RBFOX3: variants seen among roughly 807,000 people sequenced by gnomAD.
RBFOX3 encodes RNA binding fox-1 homolog 3.
In RBFOX3, 17 loss-of-function variants were observed where a neutral mutation model predicts 48.7. The ratio of observed to expected loss-of-function variants is 0.35; its 90% CI spans 0.24 to 0.52. The LOEUF is 0.52. Ranked by LOEUF, RBFOX3 falls within the 20% of genes least tolerant of loss-of-function variation. RBFOX3 has a pLI of 0.94. For synonymous variants in RBFOX3, 212 were observed against 209.5 expected, an observed-to-expected ratio of 1.01 and a Z score of -0.10; for missense variants, 382 against 497.5, an observed-to-expected ratio of 0.77 and a Z score of 2.21.
intron 2 of RBFOX3, among the ~76,000 whole-genome samples, chr17:79,386,167 A>G (rs1314017089): frequency 1.4e-5 from 2 of 147,854 alleles, no homozygotes; most frequent in Non-Finnish European, 3.0e-5. Flanking sequence ...CATGAGCTCC[A>G]TCACCTCCTG....
intron 3 of RBFOX3, among the ~76,000 whole-genome samples, chr17:79,247,694 G>A (rs1420234130): frequency 7.4e-6 from 1 of 134,768 alleles, no homozygotes; most frequent in Non-Finnish European, 1.6e-5. Context: ...TGCATCTGGG[G>A]AAAAATCACA....
At chr17:79,514,137 A>G (rs1054830542) in intron 1 of RBFOX3, among the ~76,000 whole-genome samples, 56 of 152,070 alleles carry the variant, frequency 3.7e-4, no homozygotes, top group African/African-American at 1.3e-3. Context: ...GCCTCCTACC[A>G]TCTCCACCCT....
intron 2 of RBFOX3, among the ~76,000 whole-genome samples, chr17:79,389,686 A>T (rs751806219): frequency 6.6e-6 from 1 of 152,198 alleles, no homozygotes; most frequent in Non-Finnish European, 1.5e-5. Context: ...GGTGGGACAG[A>T]CGACATGCCT....
At chr17:79,190,964 G>A (rs996569226) in intron 4 of RBFOX3, among the ~76,000 whole-genome samples, 2 of 152,158 alleles carry the variant, frequency 1.3e-5, no homozygotes, top group African/African-American at 2.4e-5. Flanking sequence ...CCATTGCTAC[G>A]GCCGGCATGA....
chr17:79,362,122 G>A lies in RBFOX3; in HGVS notation c.-174-54298C>T, dbSNP rs911696722. ...TCCCTTCGAGAGAATCCACTCCACT[G>A]CCAGCTCACACACAGCCCTCCACGG... On this transcript the variant is annotated intron_variant, in intron 2 of 14. Coordinates refer to ENST00000693108, the MANE Select transcript of RBFOX3 (RefSeq NM_001350451.2). The surrounding 1 kb of genome is among the most constrained non-coding windows in gnomAD (Gnocchi z 4.2). 6.6e-6 allele frequency among the ~76,000 whole-genome samples: 1 copy of A among 152,112 alleles called. No homozygotes were observed. Among genetic ancestry groups the A allele is most frequent in the African/African-American group, 2.4e-5 (1 of 41,432 alleles).
In RBFOX3 at chr17:79,198,628, CTCTTT is replaced by C. The variant is rs1012916009; in HGVS notation, c.-34+37133_-34+37137del. On this transcript the variant is annotated intron_variant, in intron 4 of 14. Coordinates refer to ENST00000693108, the MANE Select transcript of RBFOX3 (RefSeq NM_001350451.2). The surrounding 1 kb of genome is among the most constrained non-coding windows in gnomAD (Gnocchi z 8.2). Reference sequence around the variant, plus strand: ...CTCCCTGCTTTTGAACTTTCTCTCTCTCTTTTTTTTTTTTTAAGATGGAGTCTTGC... The same window carrying C: ...CTCCCTGCTTTTGAACTTTCTCTCTCTTTTTTTTTTAAGATGGAGTCTTGC... Among the ~76,000 whole-genome samples, 2 of 32,278 alleles carry C rather than the reference CTCTTT, an allele frequency of 6.2e-5. 1 individual carries two copies. The highest frequency in any genetic ancestry group is 1.8e-4 in the African/African-American group (2 of 11,298). The allele number at this position is 32,278 out of a possible 152,430, so 21.2% of individuals were successfully genotyped here. A position where few individuals can be genotyped will look rare whatever the true frequency, so the allele number is the denominator to read the frequency against.
rs957315891 is a variant in RBFOX3, at chr17:79,390,490, T to G, written c.-174-82666A>C. Among the ~76,000 whole-genome samples the G allele has an allele frequency of 2.6e-5, 4 of 151,994 alleles. No individual in the cohort carries two copies. The highest frequency in any genetic ancestry group is 5.9e-5 in the Non-Finnish European group (4 of 67,940). On this transcript the variant is annotated intron_variant, in intron 2 of 14. Transcript: ENST00000693108. This position sits in a 1 kb window ranked among gnomAD's most constrained non-coding sequence, Gnocchi z 4.2. Reference sequence around the variant, plus strand: ...CTTTGCGCCACTGCTTTTTTTTTTTTTTTTTAGATGGAGTCTCGCTCTTGT... The same window carrying G: ...CTTTGCGCCACTGCTTTTTTTTTTTGTTTTTAGATGGAGTCTCGCTCTTGT...
At chr17:79,422,568 C>T (rs781785291) in intron 2 of RBFOX3, among the ~76,000 whole-genome samples, 4 of 152,228 alleles carry the variant, frequency 2.6e-5, no homozygotes, top group Non-Finnish European at 5.9e-5. Context: ...GGCAGACACT[C>T]GGTCTGGGCA....
chr17:79,296,805 T>C, intron 3 of RBFOX3, among the ~76,000 whole-genome samples: 1 of 138,780 alleles, frequency 7.2e-6, no homozygotes, highest in Non-Finnish European at 1.6e-5. Context: ...CCTCTTTTCC[T>C]CCTCCCCACT....
chr17:79,458,301 G>A (rs1555746401), intron 2 of RBFOX3, among the ~76,000 whole-genome samples: 1 of 152,234 alleles, frequency 6.6e-6, no homozygotes. Flanking sequence ...ACTAGAAGGG[G>A]CAGAGAAATG....
intron 1 of RBFOX3, among the ~76,000 whole-genome samples, chr17:79,591,654 C>T (rs1446047604): frequency 6.6e-6 from 1 of 152,208 alleles, no homozygotes. Flanking sequence ...TCTGTTGGGT[C>T]ACCGCCTTTG....
At chr17:79,266,242 T>A (rs192832131) in intron 3 of RBFOX3, among the ~76,000 whole-genome samples, 2 of 152,282 alleles carry the variant, frequency 1.3e-5, no homozygotes, top group Admixed American at 1.3e-4. Context: ...CCAGCTGATG[T>A]GGGAGCCTGG....
chr17:79,178,727 G>A (rs918919327), intron 4 of RBFOX3, among the ~76,000 whole-genome samples: 8 of 152,232 alleles, frequency 5.3e-5, no homozygotes, highest in Non-Finnish European at 1.2e-4. Context: ...GTACGGATGC[G>A]TGGCTCAAAG....
chr17:79,589,102 C>T (rs893114498), intron 1 of RBFOX3, among the ~76,000 whole-genome samples: 1 of 152,228 alleles, frequency 6.6e-6, no homozygotes, highest in Admixed American at 6.5e-5. Flanking sequence ...CATAGCAGTG[C>T]TCAAGGGTGG....
At chr17:79,424,469 C>T (rs1555724539) in intron 2 of RBFOX3, among the ~76,000 whole-genome samples, 1 of 152,208 alleles carries the variant, frequency 6.6e-6, no homozygotes, top group African/African-American at 2.4e-5. Context: ...GCTCTCGACT[C>T]TCAGCAGCCA....
intron 1 of RBFOX3, among the ~76,000 whole-genome samples, chr17:79,508,198 C>T (rs2083455309): frequency 6.6e-6 from 1 of 152,242 alleles, no homozygotes; most frequent in Non-Finnish European, 1.5e-5. Context: ...TCTAGAAAAG[C>T]CCACCCGGTG....
At chr17:79,413,301 G>T (rs752780261) in intron 2 of RBFOX3, among the ~76,000 whole-genome samples, 2 of 152,232 alleles carry the variant, frequency 1.3e-5, no homozygotes, top group African/African-American at 4.8e-5. Flanking sequence ...CCGTGACTTA[G>T]ACTCCAAATT....
intron 14 of RBFOX3, chr17:79,092,535 G>A: frequency 1.0e-6 from 1 of 980,578 alleles, no homozygotes; most frequent in Non-Finnish European, 1.2e-6. Context: ...CTGGTTTTGG[G>A]CTGTTGGGTT....
At chr17:79,208,909 G>A (rs539627961) in intron 4 of RBFOX3, among the ~76,000 whole-genome samples, 3 of 151,922 alleles carry the variant, frequency 2.0e-5, no homozygotes, top group African/African-American at 4.8e-5. Context: ...TCTGCCTCCC[G>A]GGTTCACGCC....
Sources: gnomAD v4.1 joint callset for allele counts (sites outside exome capture counted in the v4.1 genomes callset) on GRCh38, gnomAD v4.1.1 for gene constraint, Gnocchi (gnomAD v3.1) non-coding constraint, MANE v1.5 for transcripts, NCBI Gene and HGNC (gene_info 2026-07-23, HGNC 2026-07-21) for gene names.